Variants in CXCR5 observed in about 807,000 individuals in gnomAD.
CXCR5 encodes the protein C-X-C motif chemokine receptor 5.
CXCR5 carries 3 observed loss-of-function variants against 5.6 expected under a neutral mutation model. The ratio of observed to expected loss-of-function variants is 0.54; its 90% CI spans 0.24 to 1.39. The LOEUF (loss-of-function observed/expected upper bound fraction) is 1.39, where lower values mean the gene tolerates loss of function less well. CXCR5 is among the 40% of genes most tolerant of loss of function. CXCR5 has a pLI of 0.16. For missense variants in CXCR5, 333 were observed against 494.6 expected (o/e 0.67, Z 3.10); for synonymous variants, 218 against 219.9 (o/e 0.99, Z 0.08).
intron 1 of CXCR5, among the ~76,000 whole-genome samples, chr11:118,889,451 C>T (rs1939775395): frequency 6.6e-6 from 1 of 152,246 alleles, no homozygotes; most frequent in Non-Finnish European, 1.5e-5. Flanking sequence ...TGTGCTCCCT[C>T]TGGGCATGGG....
Position 118,894,510 on chromosome 11 carries a change from C to G in CXCR5, c.966C>G (p.Tyr322Ter). 1 of 1,597,128 alleles carries G rather than the reference C, an allele frequency of 6.3e-7. No homozygotes were observed. Among genetic ancestry groups the G allele is most frequent in the Non-Finnish European group, 8.6e-7 (1 of 1,169,372 alleles). The change falls in exon 2 of 2, where the codon TAC becomes TAG. Residue 322 changes from tyrosine (Y) to a stop codon, truncating the protein, a stop_gained. Coordinates refer to ENST00000292174, the MANE Select transcript of CXCR5 (RefSeq NM_001716.5). LOFTEE classifies it high-confidence loss of function. The surrounding 1 kb of genome is among the most constrained non-coding windows in gnomAD (Gnocchi z 6.1). ...ACTGCTGCCTCAACCCCATGCTCTA[C>G]ACTTTCGCCGGCGTGAAGTTCCGCA... is the stretch of plus-strand genomic sequence containing the variant. ...LAHCCLNPMLYTFAGVKFRSD... is the reference protein window; with the variant it reads ...LAHCCLNPML
At chr11:118,887,946 C>A (rs566470381) in intron 1 of CXCR5, among the ~76,000 whole-genome samples, 1 of 152,210 alleles carries the variant, frequency 6.6e-6, no homozygotes, top group Non-Finnish European at 1.5e-5. Flanking sequence ...GAGTAAGCCA[C>A]GCATGCAGGC....
intron 1 of CXCR5, among the ~76,000 whole-genome samples, chr11:118,892,932 C>A (rs937961701): frequency 3.3e-5 from 5 of 152,166 alleles, no homozygotes; most frequent in Admixed American, 3.3e-4. Context: ...CAGGGTTGTT[C>A]AGTGGGAGGT....
chr11:118,895,176 G>A lies in CXCR5; in HGVS notation c.*513G>A. 6.0e-6 allele frequency: 1 copy of A among 167,986 alleles called. No homozygotes were observed. Among genetic ancestry groups the A allele is most frequent in the African/African-American group, 2.4e-5 (1 of 41,606 alleles). 10.4% of individuals were successfully genotyped at this position (167,986 alleles called of 1,614,324 possible). A position where few individuals can be genotyped will look rare whatever the true frequency, so the allele number is the denominator to read the frequency against. ...AGGAAAGGCCAGCTGGCAGCAGAGTGTGGCCTTCGGACAACTCAGTCCCTA... is the reference window on the plus strand; with the variant it reads ...AGGAAAGGCCAGCTGGCAGCAGAGTATGGCCTTCGGACAACTCAGTCCCTA... On this transcript the variant is annotated 3_prime_UTR_variant, in exon 2 of 2. Coordinates refer to ENST00000292174, the MANE Select transcript of CXCR5 (RefSeq NM_001716.5). The surrounding 1 kb of genome is among the most constrained non-coding windows in gnomAD (Gnocchi z 4.2).
chr11:118,890,604 G>A lies in CXCR5; in HGVS notation c.52-2992G>A, dbSNP rs537062400. 1.1e-4 allele frequency among the ~76,000 whole-genome samples: 16 copies of A among 152,174 alleles called. No homozygotes were observed. In the East Asian group the frequency reaches 1.7e-3, roughly 17 times the overall value. On this transcript the variant is annotated intron_variant, in intron 1 of 1. Coordinates refer to ENST00000292174, the MANE Select transcript of CXCR5 (RefSeq NM_001716.5). ...TGTGTTGGGGTGTTGGGGAAAGGCC[G>A]GGGGGTGGTCTAGAGCAATAATTTA...
intron 1 of CXCR5, among the ~76,000 whole-genome samples, chr11:118,884,649 T>C (rs1939682308): frequency 6.6e-6 from 1 of 152,220 alleles, no homozygotes; most frequent in African/African-American, 2.4e-5. Context: ...AAACTGTTAA[T>C]CTGACAAATG....
At position 118,894,097 on chromosome 11, in the gene CXCR5, A is replaced by T. The variant is rs1427612014; in HGVS notation, c.553A>T (p.Ile185Phe). Residue 185 changes from isoleucine to phenylalanine, a missense_variant, in exon 2 of 2, where the codon ATT (isoleucine) becomes TTT (phenylalanine). Coordinates refer to ENST00000292174, the MANE Select transcript of CXCR5 (RefSeq NM_001716.5). The surrounding 1 kb of genome is among the most constrained non-coding windows in gnomAD (Gnocchi z 6.1). ...LVGFLLALPEILFAKVSQGHH... is the reference protein window; with the variant it reads ...LVGFLLALPEFLFAKVSQGHH... ...GGGCTTCCTCCTTGCCTTGCCAGAGATTCTCTTCGCCAAAGTCAGCCAAGG... is the reference window on the plus strand; with the variant it reads ...GGGCTTCCTCCTTGCCTTGCCAGAGTTTCTCTTCGCCAAAGTCAGCCAAGG... 1.2e-6 allele frequency: 2 copies of T among 1,613,726 alleles called. No individual in the cohort carries two copies. The highest frequency in any genetic ancestry group is 1.7e-6 in the Non-Finnish European group (2 of 1,180,010).
chr11:118,892,135 G>A (rs1203977834), intron 1 of CXCR5, among the ~76,000 whole-genome samples: 5 of 152,136 alleles, frequency 3.3e-5, no homozygotes, highest in Non-Finnish European at 4.4e-5. Context: ...CTGAGGCAAT[G>A]GCAGAGGGAT....
In CXCR5 at chr11:118,896,102, G is replaced by A. The variant is rs1939909865; in HGVS notation, c.*1439G>A. ...TCCTCGCAAGCTGGGTAATCGATGG[G>A]GGAGTCTGAAGCAGATGCAAAGAGG... On this transcript the variant is annotated 3_prime_UTR_variant, in exon 2 of 2. Transcript: ENST00000292174. 6.0e-6 allele frequency: 1 copy of A among 166,994 alleles called. No individual in the cohort carries two copies. The highest frequency in any genetic ancestry group is 1.5e-5 in the Non-Finnish European group (1 of 68,128). The allele number at this position is 166,994 out of a possible 1,614,324, so 10.3% of individuals were successfully genotyped here.
At chr11:118,888,178 C>A (rs146107107) in intron 1 of CXCR5, among the ~76,000 whole-genome samples, 207 of 152,302 alleles carry the variant, frequency 1.4e-3, no homozygotes, top group African/African-American at 4.8e-3. Flanking sequence ...GGGCAGGAAT[C>A]TCTTCCCACA....
In CXCR5 at chr11:118,893,822, T is replaced by C. The variant is rs1215832788; in HGVS notation, c.278T>C (p.Leu93Pro). Residue 93 changes from leucine to proline, a missense_variant, in exon 2 of 2, where the codon CTG becomes CCG. Physicochemically the swap from Leu to Pro is moderately conservative, Grantham distance 98. Transcript: ENST00000292174. The surrounding 1 kb of genome is among the most constrained non-coding windows in gnomAD (Gnocchi z 5.7). The part of the protein sequence containing the change: ...RSSTETFLFH[L>P]AVADLLLVFI... ...TCCACGGAGACCTTCCTGTTCCACCTGGCCGTGGCCGACCTCCTGCTGGTC... is the reference window on the plus strand; with the variant it reads ...TCCACGGAGACCTTCCTGTTCCACCCGGCCGTGGCCGACCTCCTGCTGGTC... 6.2e-7 allele frequency: 1 copy of C among 1,614,160 alleles called. No homozygotes were observed. The highest frequency in any genetic ancestry group is 1.7e-5 in the Admixed American group (1 of 60,024).
chr11:118,897,409 T>C lies in CXCR5; in HGVS notation c.*2746T>C, dbSNP rs967332766. 5 of 199,630 alleles carry C rather than the reference T, an allele frequency of 2.5e-5. No homozygotes were observed. Among genetic ancestry groups the C allele is most frequent in the African/African-American group, 9.6e-5 (4 of 41,802 alleles). 12.4% of individuals were successfully genotyped at this position (199,630 alleles called of 1,614,324 possible). ...CTGGCTAAGATGTAGCAGCAGCGGA[T>C]GCCCGGGCATCCAAAGTGGAAAGCC... On this transcript the variant is annotated 3_prime_UTR_variant, in exon 2 of 2. Coordinates refer to ENST00000292174, the MANE Select transcript of CXCR5 (RefSeq NM_001716.5).
chr11:118,887,375 TTGGAC>T, intron 1 of CXCR5: 1 of 985,440 alleles, frequency 1.0e-6, no homozygotes, highest in Non-Finnish European at 1.2e-6. Context: ...TGCCTGCATC[TTGGAC>T]TGTGTGACTC....
chr11:118,885,456 A>G (rs1236593246), intron 1 of CXCR5, among the ~76,000 whole-genome samples: 1 of 152,124 alleles, frequency 6.6e-6, no homozygotes, highest in African/African-American at 2.4e-5. Flanking sequence ...GAGTCTAATC[A>G]CAGAGTCTGG....
At position 118,894,711 on chromosome 11, in the gene CXCR5, A is replaced by T. The variant is rs1279009015; in HGVS notation, c.*48A>T. 1.3e-6 allele frequency: 2 copies of T among 1,483,432 alleles called. No individual in the cohort carries two copies. Among genetic ancestry groups the T allele is most frequent in the African/African-American group, 2.8e-5 (2 of 71,050 alleles). 91.9% of individuals were successfully genotyped at this position (1,483,432 alleles called of 1,614,324 possible). ...CTGCTTTTCCTTGGGGCAGGCAGTG[A>T]TGCTGGATGCTCCTTCCAACAGGAG... On this transcript the variant is annotated 3_prime_UTR_variant, in exon 2 of 2. Coordinates refer to ENST00000292174, the MANE Select transcript of CXCR5 (RefSeq NM_001716.5). The surrounding 1 kb of genome is among the most constrained non-coding windows in gnomAD (Gnocchi z 6.1).
At position 118,891,305 on chromosome 11, in the gene CXCR5, C is replaced by T. The variant is rs117298976; in HGVS notation, c.52-2291C>T. ...TGTGCCCAGGAGTTCTGAAATTTAG[C>T]GATGTGTGAATGGCACTAAGTTTGG... On this transcript the variant is annotated intron_variant, in intron 1 of 1. Coordinates refer to ENST00000292174, the MANE Select transcript of CXCR5 (RefSeq NM_001716.5). Among the ~76,000 whole-genome samples, 429 of 152,090 alleles carry T rather than the reference C, an allele frequency of 2.8e-3. 13 individuals carry two copies. The East Asian group carries it at 0.062, about 22-fold the overall frequency.
intron 1 of CXCR5, chr11:118,886,347 GAAAAAA>G: frequency 9.9e-6 from 4 of 405,718 alleles, no homozygotes; most frequent in Admixed American, 3.1e-5. Context: ...AAACTTGCCA[GAAAAAA>G]AAAAAAAAAA....
intron 1 of CXCR5, among the ~76,000 whole-genome samples, chr11:118,885,573 G>A (rs1019091266): frequency 3.9e-5 from 6 of 152,226 alleles, no homozygotes; most frequent in Non-Finnish European, 5.9e-5. Context: ...GTTACTGGGC[G>A]TCTTCCTCTG....
rs1213668091 is a variant in CXCR5, at chr11:118,885,239, G to A, written c.51+1247G>A. 2.6e-5 allele frequency among the ~76,000 whole-genome samples: 4 copies of A among 152,304 alleles called. No individual in the cohort carries two copies. The South Asian group carries it at 8.3e-4, about 32-fold the overall frequency. On this transcript the variant is annotated intron_variant, in intron 1 of 1. Coordinates refer to ENST00000292174, the MANE Select transcript of CXCR5 (RefSeq NM_001716.5). The stretch of plus-strand genomic sequence containing the variant: ...AAGCCTGGCCCCTCGGATCCAAACC[G>A]TAGGTGGAATCAGAGCCGGACCATT...
Sources: allele counts gnomAD v4.1 joint callset (sites outside exome capture counted in the v4.1 genomes callset), GRCh38; gene constraint gnomAD v4.1.1; non-coding constraint Gnocchi (gnomAD v3.1); transcripts MANE v1.5; gene names NCBI Gene and HGNC (gene_info 2026-07-23, HGNC 2026-07-21).